The following TMEM131L variants were observed in gnomAD, a reference collection of about 807,000 sequenced individuals.
The protein encoded by TMEM131L is transmembrane 131 like.
TMEM131L carries 54 observed loss-of-function variants against 192.2 expected under a neutral mutation model. That is an observed-to-expected ratio of 0.28 (90% CI 0.23 to 0.35). The LOEUF (loss-of-function observed/expected upper bound fraction) is 0.35, where lower values mean the gene tolerates loss of function less well. Among genes scored for constraint, TMEM131L ranks in the 10% least tolerant of loss-of-function variants. TMEM131L has a pLI of 1.00. For missense variants in TMEM131L, 1,888 were observed against 1,972.9 expected (o/e 0.96, Z 0.82); for synonymous variants, 701 against 704.9 (o/e 0.99, Z 0.09).
chr4:153,515,678 T>A (rs935328777), intron 3 of TMEM131L, among the ~76,000 whole-genome samples: 5 of 152,246 alleles, frequency 3.3e-5, no homozygotes, highest in Non-Finnish European at 7.3e-5. Flanking sequence ...AGTTGTACCA[T>A]ACCTTACTTT....
chr4:153,575,497 T>C (rs1459968899), intron 7 of TMEM131L, among the ~76,000 whole-genome samples: 1 of 152,208 alleles, frequency 6.6e-6, no homozygotes, highest in Non-Finnish European at 1.5e-5. Flanking sequence ...AAAAAAGTAC[T>C]GACTGCAGTT....
chr4:153,586,460 A>T (rs1385319296), intron 14 of TMEM131L, 81 bp downstream of exon 14: 1 of 1,048,020 alleles, frequency 9.5e-7, no homozygotes, highest in Non-Finnish European at 1.4e-6. Context: ...CTTGAGTTTT[A>T]TTAACTGGGT....
intron 7 of TMEM131L, among the ~76,000 whole-genome samples, chr4:153,564,287 CAAAAAAAAAAAAAAAAAAA>C (rs1178320668): frequency 1.1e-4 from 2 of 17,652 alleles, no homozygotes; most frequent in East Asian, 3.8e-3. Context: ...AACTCCGTCT[CAAAAAAAAAAAAAAAAAAA>C]AAAAAAAAGG....
intron 3 of TMEM131L, among the ~76,000 whole-genome samples, chr4:153,488,354 C>G (rs1477070735): frequency 6.6e-6 from 1 of 152,216 alleles, no homozygotes; most frequent in Non-Finnish European, 1.5e-5. Context: ...ACTGCCCACC[C>G]CAAGGGGACT....
intron 26 of TMEM131L, among the ~76,000 whole-genome samples, chr4:153,618,662 T>C (rs1043670315): frequency 6.6e-6 from 1 of 152,166 alleles, no homozygotes; most frequent in African/African-American, 2.4e-5. Context: ...ACACAGCCAG[T>C]AATCAAGGCA....
intron 7 of TMEM131L, among the ~76,000 whole-genome samples, chr4:153,567,654 C>T (rs749770768): frequency 2.6e-5 from 4 of 151,850 alleles, no homozygotes; most frequent in Non-Finnish European, 5.9e-5. Flanking sequence ...AAGCAATTCT[C>T]CTGTCTCAGC....
At chr4:153,510,626 C>T (rs929402055) in intron 3 of TMEM131L, among the ~76,000 whole-genome samples, 1 of 152,156 alleles carries the variant, frequency 6.6e-6, no homozygotes, top group Admixed American at 6.5e-5. Context: ...GCCTGTAATC[C>T]AAGCGCTTTG....
rs746049050 is a variant in TMEM131L, at chr4:153,620,869, T to C, written c.3681T>C (p.Ala1227=). 8 of 1,594,876 alleles carry C rather than the reference T, an allele frequency of 5.0e-6. No individual in the cohort carries two copies. The South Asian group carries it at 8.1e-5, about 16-fold the overall frequency. The change falls in exon 27 of 35, where the codon GCT becomes GCC. Residue 1227 remains alanine (A), a synonymous_variant. Transcript: ENST00000409959. ...GAAAGAACAAGAAAAGGGGTGTTGC[T>C]CCAGTCTCAAGGTGCGTAATTCTTA... ...TCRKNKKRGV[A]PVSRPPEQSD...
rs761555754 is a variant in TMEM131L, at chr4:153,489,211, C to T, written c.239+15323C>T. Among the ~76,000 whole-genome samples, 32 of 152,240 alleles carry T rather than the reference C, an allele frequency of 2.1e-4. 1 individual carries two copies. The highest frequency in any genetic ancestry group is 1.0e-3 in the Admixed American group (16 of 15,302). On this transcript the variant is annotated intron_variant, in intron 3 of 34. Transcript: ENST00000409959. ...CTTGCCCTCCCCCAACACCAGGGCT[C>T]CTGAGAAACGCCTTTTTGGTATTGG...
In TMEM131L at chr4:153,602,579, G is replaced by A; in HGVS notation, c.2491G>A (p.Asp831Asn). 1.9e-6 allele frequency: 3 copies of A among 1,614,032 alleles called. No homozygotes were observed. Among genetic ancestry groups the A allele is most frequent in the Non-Finnish European group, 1.7e-6 (2 of 1,179,994 alleles). ...CTTTACCTCCTCCTGGGTAATTCGG[G>A]ACCTAAGTCTTGTAACCGCAGCGGA... ...PDFTSSWVIRDLSLVTAADLE... is the reference protein window; with the variant it reads ...PDFTSSWVIRNLSLVTAADLE... Residue 831 changes from aspartate to asparagine, a missense_variant, in exon 23 of 35, where the codon GAC (aspartate) becomes AAC (asparagine). Asp to Asn is a conservative substitution (Grantham distance 23). Coordinates refer to ENST00000409959, the MANE Select transcript of TMEM131L (RefSeq NM_001131007.2).
At chr4:153,522,681 C>T (rs963815168) in intron 3 of TMEM131L, among the ~76,000 whole-genome samples, 9 of 152,194 alleles carry the variant, frequency 5.9e-5, no homozygotes, top group African/African-American at 1.2e-4. Flanking sequence ...TGGGTTCCCT[C>T]GCCCTAGCCA....
intron 7 of TMEM131L, among the ~76,000 whole-genome samples, chr4:153,571,740 T>C (rs1225921092): frequency 6.6e-6 from 1 of 152,078 alleles, no homozygotes; most frequent in Non-Finnish European, 1.5e-5. Context: ...TTATATTTTT[T>C]TGTGGAGACA....
intron 28 of TMEM131L, 130 bp downstream of exon 28, chr4:153,621,979 C>T: frequency 1.1e-6 from 1 of 883,990 alleles, no homozygotes; most frequent in South Asian, 1.7e-5. Context: ...TAACTAAAGC[C>T]CCAGTGGAAA....
intron 3 of TMEM131L, among the ~76,000 whole-genome samples, chr4:153,495,506 AAG>A (rs957990709): frequency 9.8e-5 from 15 of 152,298 alleles, no homozygotes; most frequent in African/African-American, 3.4e-4. Context: ...ATAGGTGGGT[AAG>A]AGAGAAAAGG....
intron 3 of TMEM131L, among the ~76,000 whole-genome samples, chr4:153,482,654 C>G (rs904857122): frequency 6.6e-6 from 1 of 152,162 alleles, no homozygotes; most frequent in Non-Finnish European, 1.5e-5. Context: ...TTCAATTGTG[C>G]TGTCATAGTG....
intron 31 of TMEM131L, among the ~76,000 whole-genome samples, chr4:153,630,131 T>C (rs2083292): frequency 0.077 from 11,672 of 152,242 alleles, 1,179 homozygotes; most frequent in African/African-American, 0.23. Flanking sequence ...CCAGGGAGAA[T>C]TGTCTCACAA....
chr4:153,487,823 C>T (rs1698854166), intron 3 of TMEM131L, among the ~76,000 whole-genome samples: 1 of 148,092 alleles, frequency 6.8e-6, no homozygotes, highest in African/African-American at 2.5e-5. Flanking sequence ...GAGAGAGACC[C>T]TTGTGGGCCT....
At chr4:153,513,692 T>C (rs78254536) in intron 3 of TMEM131L, among the ~76,000 whole-genome samples, 2,617 of 152,320 alleles carry the variant, frequency 0.017, 79 homozygotes, top group African/African-American at 0.056. Flanking sequence ...GTGTTGGCAA[T>C]TGACAAGGAT....
chr4:153,563,162 T>A (rs1265958787), intron 7 of TMEM131L, among the ~76,000 whole-genome samples: 1 of 152,178 alleles, frequency 6.6e-6, no homozygotes, highest in Non-Finnish European at 1.5e-5. Flanking sequence ...TTCCAAAATT[T>A]GCAGGTACTG....
Sources: allele counts gnomAD v4.1 joint callset (sites outside exome capture counted in the v4.1 genomes callset), GRCh38; gene constraint gnomAD v4.1.1; transcripts MANE v1.5; gene names NCBI Gene and HGNC (gene_info 2026-07-23, HGNC 2026-07-21).